Variants in SRGAP3 observed in about 807,000 individuals in gnomAD.
SRGAP3 encodes the protein SLIT-ROBO Rho GTPase-activating protein 3.
SRGAP3 carries 39 observed loss-of-function variants against 121.1 expected under a neutral mutation model. That is an observed-to-expected ratio of 0.32 (90% CI 0.25 to 0.42). The LOEUF (loss-of-function observed/expected upper bound fraction) is 0.42. Ranked by LOEUF, SRGAP3 falls within the 10% of genes least tolerant of loss-of-function variation. The pLI is 1.00. For synonymous variants in SRGAP3, 601 were observed against 570.0 expected (o/e 1.05, Z -0.77); for missense variants, 1,213 against 1,470.6 (o/e 0.82, Z 2.86).
At chr3:9,221,529 CCTAT>C (rs1398648701) in intron 1 of SRGAP3, among the ~76,000 whole-genome samples, 3 of 152,022 alleles carry the variant, frequency 2.0e-5, no homozygotes, top group Non-Finnish European at 1.5e-5. Context: ...AGAGCAAGGC[CCTAT>C]CTTTTAAAGA....
At chr3:9,290,558 T>G (rs1559262379) in intron 3 of SRGAP3, among the ~76,000 whole-genome samples, 1 of 152,114 alleles carries the variant, frequency 6.6e-6, no homozygotes, top group Admixed American at 6.6e-5. Context: ...GTTCATAAAG[T>G]TTTTTATATT....
intron 3 of SRGAP3, among the ~76,000 whole-genome samples, chr3:9,295,834 T>C (rs1954944825): frequency 6.6e-6 from 1 of 152,212 alleles, no homozygotes; most frequent in African/African-American, 2.4e-5. Context: ...GTAACCTCTA[T>C]TCCACTTTCT....
chr3:9,248,738 G>T, intron 1 of SRGAP3, 147 bp downstream of exon 1: 1 of 830,748 alleles, frequency 1.2e-6, no homozygotes, highest in Non-Finnish European at 2.0e-6. Flanking sequence ...TTGTGCGGCT[G>T]CCACTGTTAC....
intron 1 of SRGAP3, chr3:9,348,970 G>T: frequency 5.4e-6 from 5 of 927,684 alleles, no homozygotes; most frequent in Non-Finnish European, 7.2e-6. Flanking sequence ...TCAAGGAGGG[G>T]AAGCAGGTAC....
rs547239336 is a variant in SRGAP3, at chr3:9,204,720, G to A, written c.67+44165C>T. 5.3e-5 allele frequency among the ~76,000 whole-genome samples: 8 copies of A among 152,124 alleles called. No homozygotes were observed. The South Asian group carries it at 8.3e-4, about 16-fold the overall frequency. The stretch of plus-strand genomic sequence containing the variant: ...AAGAAACTGTGGTAATACAATTAGC[G>A]ATACACAGAAGGCGTAAGCCGGGCA... On this transcript the variant is annotated intron_variant, in intron 1 of 21. Coordinates refer to ENST00000383836, the MANE Select transcript of SRGAP3 (RefSeq NM_014850.4).
At chr3:9,302,952 CT>C (rs1046975505) in intron 3 of SRGAP3, among the ~76,000 whole-genome samples, 33 of 75,940 alleles carry the variant, frequency 4.3e-4, no homozygotes, top group African/African-American at 9.4e-4. Context: ...CCACCACCAC[CT>C]TTTGTCACCA....
intron 3 of SRGAP3, among the ~76,000 whole-genome samples, chr3:9,286,986 CTT>C (rs36096507): frequency 1.6e-4 from 13 of 79,122 alleles, no homozygotes; most frequent in African/African-American, 5.8e-4. Flanking sequence ...CACTGACACT[CTT>C]TTTTTTTTTT....
At chr3:9,327,656 C>T (rs1227130466) in intron 2 of SRGAP3, among the ~76,000 whole-genome samples, 1 of 152,206 alleles carries the variant, frequency 6.6e-6, no homozygotes, top group Non-Finnish European at 1.5e-5. Context: ...CAGCATCTAA[C>T]TCCACATGTC....
intron 4 of SRGAP3, among the ~76,000 whole-genome samples, chr3:9,071,866 A>C (rs559173089): frequency 6.6e-6 from 1 of 152,162 alleles, no homozygotes; most frequent in Non-Finnish European, 1.5e-5. Flanking sequence ...AATGCACTAC[A>C]GTCAAAATAC....
intron 1 of SRGAP3, among the ~76,000 whole-genome samples, chr3:9,352,271 A>ATT (rs34692815): frequency 4.9e-4 from 61 of 123,432 alleles, no homozygotes; most frequent in East Asian, 1.1e-3. Flanking sequence ...TGTTATGGAC[A>ATT]TTTTTTTTTT....
At chr3:9,188,327 T>C (rs1344262191) in intron 1 of SRGAP3, among the ~76,000 whole-genome samples, 1 of 152,210 alleles carries the variant, frequency 6.6e-6, no homozygotes, top group Admixed American at 6.5e-5. Flanking sequence ...TAGAAGCAGG[T>C]AATTAGTGTG....
chr3:9,186,835 A>G (rs994638317), intron 1 of SRGAP3, among the ~76,000 whole-genome samples: 9 of 152,218 alleles, frequency 5.9e-5, no homozygotes, highest in African/African-American at 1.9e-4. Context: ...GGCATCTGCT[A>G]TTCTACAGAG....
intron 1 of SRGAP3, among the ~76,000 whole-genome samples, chr3:9,177,462 A>T (rs988881574): frequency 6.6e-6 from 1 of 152,152 alleles, no homozygotes; most frequent in Non-Finnish European, 1.5e-5. Flanking sequence ...GACCTGGAGG[A>T]GGCAGGAGAG....
At chr3:9,188,584 G>C (rs1951666650) in intron 1 of SRGAP3, among the ~76,000 whole-genome samples, 1 of 152,216 alleles carries the variant, frequency 6.6e-6, no homozygotes, top group African/African-American at 2.4e-5. Context: ...CCAGGGCTAG[G>C]AGAGCTCAGA....
chr3:9,243,322 G>A (rs1953712348), intron 1 of SRGAP3, among the ~76,000 whole-genome samples: 1 of 151,966 alleles, frequency 6.6e-6, no homozygotes. Context: ...GGAGGGGAAG[G>A]GTATGGAGGA....
At chr3:9,181,887 T>C (rs1013758130) in intron 1 of SRGAP3, among the ~76,000 whole-genome samples, 2 of 152,138 alleles carry the variant, frequency 1.3e-5, no homozygotes, top group African/African-American at 4.8e-5. Flanking sequence ...AAAAGGGTCT[T>C]ACATGGGCTG....
At chr3:9,163,995 T>C (rs964279431) in intron 1 of SRGAP3, among the ~76,000 whole-genome samples, 1 of 141,064 alleles carries the variant, frequency 7.1e-6, no homozygotes, top group African/African-American at 2.6e-5. Flanking sequence ...TCTTTTTTTT[T>C]TTTTTTTTTT....
At chr3:9,018,467 C>A (rs1410436845) in intron 14 of SRGAP3, among the ~76,000 whole-genome samples, 1 of 152,172 alleles carries the variant, frequency 6.6e-6, no homozygotes, top group African/African-American at 2.4e-5. Flanking sequence ...TTTACATTCC[C>A]ACCCACAGTA....
Position 8,980,879 on chromosome 3 carries a change from C to T in SRGAP3, c.*4640G>A. The T allele has an allele frequency of 4.3e-6, 1 of 233,460 alleles. No individual in the cohort carries two copies. 14.5% of individuals were successfully genotyped at this position (233,460 alleles called of 1,614,324 possible). ...CCACTCTGAAGCAATCAGAATCAAA[C>T]CTATTGCCAAACCATGTAAACAGTC... On this transcript the variant is annotated 3_prime_UTR_variant, in exon 22 of 22. Coordinates refer to ENST00000383836, the MANE Select transcript of SRGAP3 (RefSeq NM_014850.4).
Sources: gnomAD v4.1 joint callset for allele counts (sites outside exome capture counted in the v4.1 genomes callset) on GRCh38, gnomAD v4.1.1 for gene constraint, MANE v1.5 for transcripts, NCBI Gene and HGNC (gene_info 2026-07-23, HGNC 2026-07-21) for gene names.